The following FHIT variants were observed in gnomAD, a reference collection of about 807,000 sequenced individuals.
FHIT encodes the protein bis(5'-adenosyl)-triphosphatase.
FHIT carries 19 observed loss-of-function variants against 17.9 expected under a neutral mutation model. The observed-to-expected ratio is 1.06, with a 90% CI of 0.74 to 1.56. FHIT has a LOEUF of 1.56. FHIT is among the 40% of genes most tolerant of loss of function. The pLI, the probability that FHIT is intolerant of heterozygous loss-of-function variation, is 0.00. For synonymous variants in FHIT, 81 were observed against 69.7 expected, an observed-to-expected ratio of 1.16 and a Z score of -0.81; for missense variants, 248 against 189.2, an observed-to-expected ratio of 1.31 and a Z score of -1.82.
At chr3:60,320,663 T>G (rs1400316019) in intron 5 of FHIT, among the ~76,000 whole-genome samples, 3 of 152,108 alleles carry the variant, frequency 2.0e-5, no homozygotes, top group Non-Finnish European at 4.4e-5. Flanking sequence ...CTTTAAAAAA[T>G]GATAAACTTA....
At chr3:59,993,250 C>T (rs1015559637) in intron 7 of FHIT, among the ~76,000 whole-genome samples, 2 of 152,090 alleles carry the variant, frequency 1.3e-5, no homozygotes, top group African/African-American at 2.4e-5. Context: ...GTTTCCTGCT[C>T]TTCCTACAGA....
chr3:60,390,826 C>G (rs1313519376), intron 5 of FHIT, among the ~76,000 whole-genome samples: 1 of 151,620 alleles, frequency 6.6e-6, no homozygotes. Flanking sequence ...GTGTTTTAAG[C>G]TAAATGTTAT....
chr3:60,298,991 T>C (rs538481755), intron 5 of FHIT, among the ~76,000 whole-genome samples: 3 of 152,210 alleles, frequency 2.0e-5, no homozygotes, highest in African/African-American at 7.2e-5. Flanking sequence ...TAGCAATCCA[T>C]AACCAATCAA....
At chr3:59,959,781 A>C (rs73842103) in intron 7 of FHIT, among the ~76,000 whole-genome samples, 4,061 of 152,272 alleles carry the variant, frequency 0.027, 206 homozygotes, top group African/African-American at 0.093. Flanking sequence ...AATACTTGAA[A>C]GGAAAGTAAT....
chr3:60,609,149 CA>C (rs782618933), intron 4 of FHIT, among the ~76,000 whole-genome samples: 1 of 151,944 alleles, frequency 6.6e-6, no homozygotes, highest in Non-Finnish European at 1.5e-5. Flanking sequence ...CTGTTGCTTC[CA>C]AACTGTCTCA....
intron 4 of FHIT, among the ~76,000 whole-genome samples, chr3:60,748,946 C>A (rs2042413939): frequency 6.6e-6 from 1 of 152,142 alleles, no homozygotes. Flanking sequence ...AGCACAGATG[C>A]AATTTTCTTT....
chr3:60,368,852 C>A (rs1700212970), intron 5 of FHIT, among the ~76,000 whole-genome samples: 1 of 151,796 alleles, frequency 6.6e-6, no homozygotes, highest in Non-Finnish European at 1.5e-5. Flanking sequence ...TTTTCTTAGT[C>A]TTTTTTTTCC....
chr3:60,235,232 TTG>T (rs1491039534), intron 5 of FHIT, among the ~76,000 whole-genome samples: 2 of 63,866 alleles, frequency 3.1e-5, no homozygotes, highest in Non-Finnish European at 6.7e-5. Flanking sequence ...CTTTTGTTTG[TTG>T]TTTTTTTTTT....
intron 8 of FHIT, among the ~76,000 whole-genome samples, chr3:59,882,397 A>T (rs533017038): frequency 6.6e-6 from 1 of 152,308 alleles, no homozygotes; most frequent in East Asian, 1.9e-4. Flanking sequence ...CAGAAAACAG[A>T]TTATCAGGAA....
chr3:60,409,786 G>C (rs1328763635), intron 5 of FHIT, among the ~76,000 whole-genome samples: 1 of 152,082 alleles, frequency 6.6e-6, no homozygotes, highest in Non-Finnish European at 1.5e-5. Flanking sequence ...TCACAACAAT[G>C]CAATTCATTC....
rs180902934 is a variant in FHIT, at chr3:61,020,299, T to G, written c.-111+21748A>C. Among the ~76,000 whole-genome samples, 12 of 152,246 alleles carry G rather than the reference T, an allele frequency of 7.9e-5. 1 individual carries two copies. The highest frequency in any genetic ancestry group is 2.6e-4 in the African/African-American group (11 of 41,542). On this transcript the variant is annotated intron_variant, in intron 3 of 9. Coordinates refer to ENST00000492590, the MANE Select transcript of FHIT (RefSeq NM_002012.4). ...TTCTCTAATGACCAGTGATGATGAG[T>G]TTTTCTTCATATTTTTGTTGGCCAC...
At chr3:59,980,759 C>A (rs1404987098) in intron 7 of FHIT, among the ~76,000 whole-genome samples, 2 of 152,140 alleles carry the variant, frequency 1.3e-5, no homozygotes, top group Non-Finnish European at 2.9e-5. Context: ...ATTCACCAGA[C>A]AACAAAGCTG....
intron 5 of FHIT, among the ~76,000 whole-genome samples, chr3:60,504,904 A>C (rs1383699200): frequency 6.6e-6 from 1 of 152,204 alleles, no homozygotes; most frequent in Non-Finnish European, 1.5e-5. Flanking sequence ...CAATAGTCTG[A>C]AAGCACAAAT....
chr3:60,235,238 T>TTG (rs1013007808), intron 5 of FHIT, among the ~76,000 whole-genome samples: 1 of 101,756 alleles, frequency 9.8e-6, no homozygotes, highest in Non-Finnish European at 2.1e-5. Context: ...TTTGTTGTTT[T>TTG]TTTTTTTTTT....
At chr3:60,397,998 C>T (rs907034575) in intron 5 of FHIT, among the ~76,000 whole-genome samples, 3 of 152,088 alleles carry the variant, frequency 2.0e-5, no homozygotes, top group Non-Finnish European at 2.9e-5. Flanking sequence ...TTCCCACTTT[C>T]GGGTAGGGGA....
At chr3:60,113,187 T>G (rs1232519207) in intron 5 of FHIT, among the ~76,000 whole-genome samples, 1 of 152,098 alleles carries the variant, frequency 6.6e-6, no homozygotes, top group Non-Finnish European at 1.5e-5. Flanking sequence ...GCTCCTTATC[T>G]CCTTTCCCTA....
chr3:61,201,090 C>T (rs2038998344), intron 1 of FHIT, among the ~76,000 whole-genome samples: 1 of 152,166 alleles, frequency 6.6e-6, no homozygotes, highest in Non-Finnish European at 1.5e-5. Flanking sequence ...TTAGGGATGC[C>T]TATTCCATTT....
intron 1 of FHIT, among the ~76,000 whole-genome samples, chr3:61,232,483 A>T (rs1484860826): frequency 6.6e-6 from 1 of 152,234 alleles, no homozygotes; most frequent in East Asian, 1.9e-4. Flanking sequence ...ATAATTTCCC[A>T]TATATGCCCA....
At chr3:60,215,514 G>T (rs1703658232) in intron 5 of FHIT, among the ~76,000 whole-genome samples, 1 of 151,986 alleles carries the variant, frequency 6.6e-6, no homozygotes, top group South Asian at 2.1e-4. Context: ...AGTGAGCCAA[G>T]ATCGCGCCAC....
Sources: allele counts gnomAD v4.1 joint callset (sites outside exome capture counted in the v4.1 genomes callset), GRCh38; gene constraint gnomAD v4.1.1; transcripts MANE v1.5; gene names NCBI Gene and HGNC (gene_info 2026-07-23, HGNC 2026-07-21).